COL4A2: variants seen among roughly 807,000 people sequenced by gnomAD.
COL4A2 encodes the protein collagen type IV alpha 2 chain.
In COL4A2, 99 loss-of-function variants were observed where a neutral mutation model predicts 200.2. That is an observed-to-expected ratio of 0.49 (90% CI 0.42 to 0.58). The LOEUF is 0.58. Among genes scored for constraint, COL4A2 ranks in the 20% least tolerant of loss-of-function variants. The pLI is 0.00. For missense variants in COL4A2, 1,950 were observed against 2,314.1 expected (o/e 0.84, Z 3.23); for synonymous variants, 897 against 900.6 (o/e 1.00, Z 0.07).
At chr13:110,321,483 A>G (rs992270962) in intron 3 of COL4A2, among the ~76,000 whole-genome samples, 2 of 152,162 alleles carry the variant, frequency 1.3e-5, no homozygotes, top group Non-Finnish European at 2.9e-5. Flanking sequence ...ATACCTCTGC[A>G]TCCCATCCTT....
At chr13:110,415,477 C>A (rs1480760398) in intron 4 of COL4A2, among the ~76,000 whole-genome samples, 1 of 152,206 alleles carries the variant, frequency 6.6e-6, no homozygotes, top group Non-Finnish European at 1.5e-5. Flanking sequence ...GGGAAAAAAG[C>A]TGTGCATCAC....
chr13:110,478,887 ACT>A (rs1294108163), intron 30 of COL4A2, among the ~76,000 whole-genome samples: 1 of 152,194 alleles, frequency 6.6e-6, no homozygotes, highest in African/African-American at 2.4e-5. Flanking sequence ...CTCCATGGAA[ACT>A]CTCAATCTTA....
chr13:110,457,508 A>G, intron 21 of COL4A2, 73 bp downstream of exon 21: 5 of 894,156 alleles, frequency 5.6e-6, no homozygotes, highest in Middle Eastern at 2.1e-4. Context: ...AGAAGGTGAA[A>G]TCCATCCCCC....
Position 110,307,643 on chromosome 13 carries a change from G to A in COL4A2, c.-45+115G>A, listed in dbSNP as rs1159700092. ...GCTTGGGAGTAGAAAGGGGGAGGGT[G>A]GGAGAGCGAAGACCGAGCTCCTCGG... On this transcript the variant is annotated intron_variant, in intron 1 of 47. Transcript: ENST00000360467. This position sits in a 1 kb window ranked among gnomAD's most constrained non-coding sequence, Gnocchi z 5.0. 7.1e-6 allele frequency: 4 copies of A among 560,788 alleles called. No individual in the cohort carries two copies. The highest frequency in any genetic ancestry group is 1.9e-5 in the African/African-American group (1 of 52,770). 34.7% of individuals were successfully genotyped at this position (560,788 alleles called of 1,614,324 possible). A position where few individuals can be genotyped will look rare whatever the true frequency, so the allele number is the denominator to read the frequency against.
chr13:110,346,450 C>A (rs1420953625), intron 3 of COL4A2, among the ~76,000 whole-genome samples: 3 of 152,152 alleles, frequency 2.0e-5, no homozygotes, highest in Non-Finnish European at 2.9e-5. Flanking sequence ...CAGGAAGTAA[C>A]TTTGAGTGAG....
intron 4 of COL4A2, among the ~76,000 whole-genome samples, chr13:110,361,638 C>T (rs1335475615): frequency 6.6e-6 from 1 of 152,238 alleles, no homozygotes; most frequent in African/African-American, 2.4e-5. Context: ...AATGGATTCT[C>T]ATGTGACCAG....
At chr13:110,393,691 C>G (rs1360090744) in intron 4 of COL4A2, among the ~76,000 whole-genome samples, 1 of 151,854 alleles carries the variant, frequency 6.6e-6, no homozygotes, top group Non-Finnish European at 1.5e-5. Flanking sequence ...CCAACCTGGC[C>G]AACATGGTGA....
chr13:110,493,032 CAAT>C (rs1258793416), intron 38 of COL4A2, among the ~76,000 whole-genome samples, 176 bp from the exon 39 acceptor site: 4 of 151,898 alleles, frequency 2.6e-5, no homozygotes, highest in Admixed American at 2.0e-4. Flanking sequence ...CATGAAATAA[CAAT>C]GAGTGACACC....
intron 27 of COL4A2, among the ~76,000 whole-genome samples, chr13:110,467,774 C>T (rs150788397): frequency 0.015 from 2,274 of 152,336 alleles, 30 homozygotes; most frequent in Non-Finnish European, 0.023. Context: ...CCAGGGCTTC[C>T]ACTCAAGCAG....
chr13:110,458,962 G>A (rs763003681), intron 22 of COL4A2, 28 bp downstream of exon 22: 9 of 1,514,462 alleles, frequency 5.9e-6, no homozygotes, highest in East Asian at 2.3e-5. Context: ...CATGAAGCTG[G>A]CAAGACACTC....
chr13:110,409,322 A>G (rs1879739110), intron 4 of COL4A2, among the ~76,000 whole-genome samples: 1 of 152,238 alleles, frequency 6.6e-6, no homozygotes, highest in South Asian at 2.1e-4. Flanking sequence ...GTAAATCGCA[A>G]TATGGATATT....
intron 4 of COL4A2, among the ~76,000 whole-genome samples, chr13:110,367,084 T>TG (rs1877787645): frequency 6.6e-6 from 1 of 152,164 alleles, no homozygotes; most frequent in Non-Finnish European, 1.5e-5. Context: ...TCTAGGAGAA[T>TG]GGCAGCAGCC....
At position 110,422,344 on chromosome 13, in the gene COL4A2, G is replaced by A. The variant is rs1880285512; in HGVS notation, c.181-2390G>A. Reference sequence around the variant, plus strand: ...CAAATGTCGTGTAGGAAACCACTAAGCATTGGAGATAGAATGAGTCTGGGA... The same window carrying A: ...CAAATGTCGTGTAGGAAACCACTAAACATTGGAGATAGAATGAGTCTGGGA... On this transcript the variant is annotated intron_variant, in intron 4 of 47. Coordinates refer to ENST00000360467, the MANE Select transcript of COL4A2 (RefSeq NM_001846.4). Among the ~76,000 whole-genome samples, 3 of 151,858 alleles carry A rather than the reference G, an allele frequency of 2.0e-5. No individual in the cohort carries two copies. The South Asian group carries it at 6.2e-4, about 32-fold the overall frequency.
At chr13:110,506,313 C>G in intron 45 of COL4A2, 102 bp from the exon 46 acceptor site, 3 of 1,303,208 alleles carry the variant, frequency 2.3e-6, no homozygotes, top group Non-Finnish European at 3.1e-6. Flanking sequence ...TCCACTCTCT[C>G]TCTCTCTCTC....
At chr13:110,439,064 C>A (rs1881025472) in intron 15 of COL4A2, among the ~76,000 whole-genome samples, 1 of 152,170 alleles carries the variant, frequency 6.6e-6, no homozygotes, top group Non-Finnish European at 1.5e-5. Flanking sequence ...AAGAGCCCAA[C>A]AAAAATGTCC....
intron 3 of COL4A2, among the ~76,000 whole-genome samples, chr13:110,343,574 G>T (rs543365990): frequency 1.3e-5 from 2 of 152,174 alleles, no homozygotes; most frequent in Non-Finnish European, 2.9e-5. Context: ...AGTGGCTGTC[G>T]CATGGGTGTG....
intron 3 of COL4A2, among the ~76,000 whole-genome samples, chr13:110,330,054 T>A (rs566760030): frequency 1.3e-5 from 2 of 152,312 alleles, no homozygotes; most frequent in Admixed American, 1.3e-4. Flanking sequence ...TACAAATTAC[T>A]CTTCTGAAAA....
chr13:110,456,479 C>T (rs533246355), intron 20 of COL4A2: 6 of 318,476 alleles, frequency 1.9e-5, no homozygotes, highest in South Asian at 1.5e-4. Flanking sequence ...ATCAAAAAAT[C>T]AAAACTTTTC....
chr13:110,462,592 A>G, intron 24 of COL4A2: 1 of 568,142 alleles, frequency 1.8e-6, no homozygotes, highest in South Asian at 2.5e-5. Flanking sequence ...GCTCCAAATG[A>G]ACATTTAAAA....
Sources: allele counts gnomAD v4.1 joint callset (sites outside exome capture counted in the v4.1 genomes callset), GRCh38; gene constraint gnomAD v4.1.1; non-coding constraint Gnocchi (gnomAD v3.1); transcripts MANE v1.5; gene names NCBI Gene and HGNC (gene_info 2026-07-23, HGNC 2026-07-21).